Variants in TP63 observed in about 807,000 individuals in gnomAD.
The protein encoded by TP63 is tumor protein 63.
A neutral mutation model predicts 82.8 loss-of-function variants in TP63; 17 were observed. That is an observed-to-expected ratio of 0.21 (90% CI 0.14 to 0.31). The LOEUF is 0.31. Ranked by LOEUF, TP63 falls within the 10% of genes least tolerant of loss-of-function variation. The pLI, the probability that TP63 is intolerant of heterozygous loss-of-function variation, is 1.00. For missense variants in TP63, 648 were observed against 895.3 expected, an observed-to-expected ratio of 0.72 and a Z score of 3.52; for synonymous variants, 330 against 321.7, an observed-to-expected ratio of 1.03 and a Z score of -0.28.
chr3:189,802,300 C>A lies in TP63; in HGVS notation c.325-5972C>A, dbSNP rs77561109. Among the ~76,000 whole-genome samples the A allele has an allele frequency of 6.3e-3, 962 of 152,238 alleles. 7 individuals carry two copies. The highest frequency in any genetic ancestry group is 0.022 in the African/African-American group (921 of 41,534). On this transcript the variant is annotated intron_variant, in intron 3 of 13. Transcript: ENST00000264731. ...GGACTGTAGAATGTTCATAAAAGCA[C>A]CTCCGTGAAGCCTCAGGTGAAAGGT...
At chr3:189,890,242 A>G (rs1035142502) in intron 12 of TP63, among the ~76,000 whole-genome samples, 1 of 152,184 alleles carries the variant, frequency 6.6e-6, no homozygotes, top group African/African-American at 2.4e-5. Context: ...TCTGTTCTGT[A>G]ATGATGGTGG....
At chr3:189,827,838 T>C (rs1711640625) in intron 4 of TP63, among the ~76,000 whole-genome samples, 1 of 152,038 alleles carries the variant, frequency 6.6e-6, no homozygotes, top group African/African-American at 2.4e-5. Flanking sequence ...GGGCTGTGAG[T>C]TGGGAGATGA....
Position 189,660,866 on chromosome 3 carries a change from C to T in TP63, c.62+29289C>T, listed in dbSNP as rs569303886. ...ATTCTTGATTTGCTCTCAGCTTCAA[C>T]ATTATTGGTGTATAGAAATGCTACT... On this transcript the variant is annotated intron_variant, in intron 1 of 13. Coordinates refer to ENST00000264731, the MANE Select transcript of TP63 (RefSeq NM_003722.5). Among the ~76,000 whole-genome samples the T allele has an allele frequency of 2.0e-5, 3 of 151,750 alleles. No individual in the cohort carries two copies. The East Asian group carries it at 5.8e-4, about 30-fold the overall frequency.
upstream of TP63, among the ~76,000 whole-genome samples, chr3:189,626,702 G>T (rs1347732271): frequency 6.6e-6 from 1 of 152,120 alleles, no homozygotes; most frequent in African/African-American, 2.4e-5. Flanking sequence ...TCTTTCTTTT[G>T]GGAATTTGAA....
chr3:189,848,239 T>TTCTCTCTCTC (rs59468983), intron 4 of TP63, among the ~76,000 whole-genome samples: 5,881 of 95,892 alleles, frequency 0.061, 545 homozygotes, highest in African/African-American at 0.07. Context: ...CTCCTCCTCC[T>TTCTCTCTCTC]TCTCTCTCTC....
chr3:189,777,789 T>C (rs918986288), intron 3 of TP63, among the ~76,000 whole-genome samples: 5 of 149,312 alleles, frequency 3.3e-5, no homozygotes, highest in African/African-American at 1.2e-4. Flanking sequence ...ATGTCTCCTA[T>C]ACTAGATGAG....
chr3:189,652,253 G>C lies in TP63; in HGVS notation c.62+20676G>C, dbSNP rs1712958594. On this transcript the variant is annotated intron_variant, in intron 1 of 13. Transcript: ENST00000264731. ...GTACCCTGCAAAGCCACAAGGTGGA[G>C]CTGTCCAAATCCATGGGAGCCCACC... Among the ~76,000 whole-genome samples, 2 of 147,104 alleles carry C rather than the reference G, an allele frequency of 1.4e-5. 1 individual carries two copies. Among genetic ancestry groups the C allele is most frequent in the Non-Finnish European group, 3.0e-5 (2 of 67,326 alleles).
intron 4 of TP63, among the ~76,000 whole-genome samples, chr3:189,836,469 T>C (rs1713167873): frequency 6.6e-6 from 1 of 152,230 alleles, no homozygotes; most frequent in Non-Finnish European, 1.5e-5. Context: ...GCGTTTTTGC[T>C]TTGTAACCTG....
intron 1 of TP63, among the ~76,000 whole-genome samples, chr3:189,694,383 T>C (rs1717180481): frequency 6.6e-6 from 1 of 152,162 alleles, no homozygotes; most frequent in African/African-American, 2.4e-5. Context: ...CTAAGTGTAT[T>C]TTGCTGTTCC....
At chr3:189,855,044 C>A in intron 4 of TP63, among the ~76,000 whole-genome samples, 1 of 152,126 alleles carries the variant, frequency 6.6e-6, no homozygotes, top group East Asian at 1.9e-4. Flanking sequence ...GAAAACCATA[C>A]ACATACTGAA....
chr3:189,609,508 T>C, the TP63 span, among the ~76,000 whole-genome samples: 1 of 152,104 alleles, frequency 6.6e-6, no homozygotes, highest in Non-Finnish European at 1.5e-5. Flanking sequence ...CCAATAGTTA[T>C]CTTTTCTTAT....
chr3:189,737,680 A>T, intron 1 of TP63, 60 bp from the exon 2 acceptor site: 1 of 1,569,862 alleles, frequency 6.4e-7, no homozygotes, highest in African/African-American at 1.4e-5. Flanking sequence ...GCTTTAATTT[A>T]AATATTCAGT....
intron 3 of TP63, among the ~76,000 whole-genome samples, chr3:189,773,859 G>T (rs1166162521): frequency 6.7e-6 from 1 of 150,190 alleles, no homozygotes; most frequent in African/African-American, 2.5e-5. Context: ...CAAGTGACTG[G>T]CTTATAGTTC....
intron 1 of TP63, among the ~76,000 whole-genome samples, chr3:189,672,688 GGAAGGAAGGAAGGAAGGAAA>G (rs1486730660): frequency 6.8e-6 from 1 of 147,654 alleles, no homozygotes; most frequent in African/African-American, 2.5e-5. Flanking sequence ...AAGGAAGGAA[GGAAGGAAGGAAGGAAGGAAA>G]GAAGGAAGGC....
At chr3:189,790,993 C>T (rs1043702606) in intron 3 of TP63, among the ~76,000 whole-genome samples, 5 of 152,056 alleles carry the variant, frequency 3.3e-5, no homozygotes, top group African/African-American at 9.7e-5. Context: ...AAAGGAAGTG[C>T]CTATTTTTCT....
intron 4 of TP63, among the ~76,000 whole-genome samples, chr3:189,813,558 A>G (rs1473565163): frequency 6.7e-6 from 1 of 149,140 alleles, no homozygotes; most frequent in Non-Finnish European, 1.5e-5. Flanking sequence ...ACACGAGAGT[A>G]CTCTCTGTGT....
intron 3 of TP63, among the ~76,000 whole-genome samples, chr3:189,764,319 C>T (rs565955059): frequency 6.6e-6 from 1 of 152,228 alleles, no homozygotes; most frequent in Non-Finnish European, 1.5e-5. Context: ...ACCTAGGAAA[C>T]AAGAACCATG....
At chr3:189,792,236 A>G (rs367878473) in intron 3 of TP63, among the ~76,000 whole-genome samples, 1 of 152,028 alleles carries the variant, frequency 6.6e-6, no homozygotes, top group East Asian at 1.9e-4. Context: ...CAAGCAGGAT[A>G]TAACAGGCAA....
At chr3:189,601,054 A>C in the TP63 span, among the ~76,000 whole-genome samples, 1 of 152,192 alleles carries the variant, frequency 6.6e-6, no homozygotes, top group Non-Finnish European at 1.5e-5. Flanking sequence ...TTTGGTAAAA[A>C]GCTTACACTT....
Sources: allele counts gnomAD v4.1 joint callset (sites outside exome capture counted in the v4.1 genomes callset), GRCh38; gene constraint gnomAD v4.1.1; transcripts MANE v1.5; gene names NCBI Gene and HGNC (gene_info 2026-07-23, HGNC 2026-07-21).